Variants in NRP2 observed in about 807,000 individuals in gnomAD.
NRP2 encodes neuropilin-2.
Under a neutral mutation model 110.4 loss-of-function variants are expected in NRP2, and 52 were observed. That is an observed-to-expected ratio of 0.47 (90% CI 0.38 to 0.59). NRP2 has a LOEUF of 0.59. Among genes scored for constraint, NRP2 ranks in the 20% least tolerant of loss-of-function variants. NRP2 has a pLI of 0.00. For synonymous variants in NRP2, 508 were observed against 468.9 expected (o/e 1.08, Z -1.08); for missense variants, 1,049 against 1,203.0 (o/e 0.87, Z 1.89).
chr2:205,690,524 T>A lies in NRP2; in HGVS notation c.74-7020T>A, dbSNP rs534056367. On this transcript the variant is annotated intron_variant, in intron 1 of 16. Coordinates refer to ENST00000357785, the MANE Select transcript of NRP2 (RefSeq NM_003872.3). ...GAGGAGGTGGGCAGATCACCTGAGG[T>A]CAGGAGTTCGAGACCAGCCTGGCCA... is the stretch of plus-strand genomic sequence containing the variant. Among the ~76,000 whole-genome samples the A allele has an allele frequency of 8.2e-4, 123 of 150,362 alleles. 1 individual carries two copies. Among genetic ancestry groups the A allele is most frequent in the South Asian group, 4.4e-3 (21 of 4,746 alleles).
intron 7 of NRP2, among the ~76,000 whole-genome samples, chr2:205,731,994 C>T (rs866081163): frequency 6.6e-6 from 1 of 152,228 alleles, no homozygotes; most frequent in South Asian, 2.1e-4. Flanking sequence ...CTGGAGCCTG[C>T]ATGGACGGCG....
rs560308998 is a variant in NRP2 at position 205,764,960 on chromosome 2, G to GA, written c.2308-508dup. On this transcript the variant is annotated intron_variant, in intron 13 of 16. Transcript: ENST00000357785. ...AGTAGGTGCTCAGTAAATGGCTGGT[G>GA]AAAAAACAAATTCTTTTCCTCCTAG... Among the ~76,000 whole-genome samples, 711 of 152,246 alleles carry GA rather than the reference G, an allele frequency of 4.7e-3. 4 individuals are homozygous for GA. Among genetic ancestry groups the GA allele is most frequent in the Non-Finnish European group, 6.1e-3 (415 of 68,026 alleles).
At position 205,725,953 on chromosome 2, in the gene NRP2, G is replaced by C. The variant is rs2057119233; in HGVS notation, c.861G>C (p.Arg287=). The change falls in exon 6 of 17, where the codon CGG becomes CGC. Residue 287 remains arginine, a synonymous_variant. Transcript: ENST00000357785. The surrounding 1 kb of genome is among the most constrained non-coding windows in gnomAD (Gnocchi z 4.1). ...CNVPLGMESG[R]IANEQISASS... The stretch of plus-strand genomic sequence containing the variant: ...TTCCTCTGGGCATGGAGTCTGGCCG[G>C]ATTGCTAATGAACAGATCAGTGCCT... The C allele has an allele frequency of 6.2e-7, 1 of 1,614,172 alleles. No individual in the cohort carries two copies. Among genetic ancestry groups the C allele is most frequent in the Non-Finnish European group, 8.5e-7 (1 of 1,180,028 alleles).
intron 14 of NRP2, among the ~76,000 whole-genome samples, chr2:205,766,270 G>A (rs2057915899): frequency 6.6e-6 from 1 of 152,188 alleles, no homozygotes; most frequent in African/African-American, 2.4e-5. Flanking sequence ...TCCCATCAGA[G>A]CCATGGACAT....
intron 15 of NRP2, chr2:205,767,206 G>A (rs2057938629): frequency 3.1e-6 from 1 of 318,000 alleles, no homozygotes; most frequent in East Asian, 8.9e-5. Flanking sequence ...ATTTATTTTA[G>A]CCTGAAGATG....
At chr2:205,767,316 T>C (rs2057941317) in intron 15 of NRP2, 1 of 462,662 alleles carries the variant, frequency 2.2e-6, no homozygotes, top group Non-Finnish European at 4.3e-6. Context: ...GCAGTCACCA[T>C]ACCTCAGTGA....
intron 2 of NRP2, among the ~76,000 whole-genome samples, chr2:205,702,989 G>A (rs1255177908): frequency 6.6e-6 from 1 of 152,144 alleles, no homozygotes; most frequent in Non-Finnish European, 1.5e-5. Context: ...TTGTTCATAT[G>A]TGGTCATCTT....
intron 3 of NRP2, 34 bp downstream of exon 3, chr2:205,716,408 G>A (rs775295749): frequency 1.9e-6 from 3 of 1,610,520 alleles, no homozygotes; most frequent in Admixed American, 1.7e-5. Flanking sequence ...CCGGGAGATG[G>A]GCGTCTTAGA....
chr2:205,744,978 G>T (rs965651926), intron 9 of NRP2, among the ~76,000 whole-genome samples: 6 of 152,196 alleles, frequency 3.9e-5, no homozygotes, highest in Non-Finnish European at 7.3e-5. Flanking sequence ...TGGACGCAGG[G>T]CATCCTGAAA....
chr2:205,769,715 T>C (rs1044781515), intron 15 of NRP2, among the ~76,000 whole-genome samples: 4 of 152,228 alleles, frequency 2.6e-5, no homozygotes, highest in Admixed American at 2.0e-4. Flanking sequence ...CAATGTAGCC[T>C]GGGTGTGCAT....
chr2:205,745,406 C>G (rs191439067), intron 9 of NRP2, among the ~76,000 whole-genome samples: 122 of 152,304 alleles, frequency 8.0e-4, no homozygotes, highest in Non-Finnish European at 6.2e-4. Flanking sequence ...GCCTTCCCCC[C>G]TCTCTAGCCA....
At chr2:205,757,522 T>G (rs1432219307) in intron 12 of NRP2, among the ~76,000 whole-genome samples, 1 of 152,190 alleles carries the variant, frequency 6.6e-6, no homozygotes, top group Admixed American at 6.5e-5. Context: ...TGAGTGAATT[T>G]ACTCATAATG....
chr2:205,763,765 C>T lies in NRP2; in HGVS notation c.2136C>T (p.Ser712=). 1 of 1,614,190 alleles carries T rather than the reference C, an allele frequency of 6.2e-7. No homozygotes were observed. The highest frequency in any genetic ancestry group is 8.5e-7 in the Non-Finnish European group (1 of 1,180,022). The change falls in exon 13 of 17, where the codon AGC becomes AGT. Residue 712 remains serine (S), a synonymous_variant. Coordinates refer to ENST00000357785, the MANE Select transcript of NRP2 (RefSeq NM_003872.3). This position sits in a 1 kb window ranked among gnomAD's most constrained non-coding sequence, Gnocchi z 4.0. ...GCCCCCCTGTCCACCTGCCCCGAAG[C>T]CCGGTGTGCATGGAGTTCCAGTACC... ...LISPPVHLPR[S]PVCMEFQYQA...
chr2:205,747,321 C>T (rs2057556161), intron 10 of NRP2, among the ~76,000 whole-genome samples: 1 of 152,168 alleles, frequency 6.6e-6, no homozygotes, highest in Non-Finnish European at 1.5e-5. Context: ...GCTGCATAAC[C>T]TCAGAAAAGT....
chr2:205,758,639 G>A (rs2057772057), intron 12 of NRP2, among the ~76,000 whole-genome samples: 1 of 152,192 alleles, frequency 6.6e-6, no homozygotes, highest in Admixed American at 6.5e-5. Context: ...AACAACAGAT[G>A]TTTTGGGTCA....
At position 205,740,513 on chromosome 2, in the gene NRP2, C is replaced by T; in HGVS notation, c.1147-6C>T. The T allele has an allele frequency of 1.9e-6, 3 of 1,614,218 alleles. No individual in the cohort carries two copies. Among genetic ancestry groups the T allele is most frequent in the Non-Finnish European group, 1.7e-6 (2 of 1,180,018 alleles). On this transcript the variant is annotated splice_region_variant and splice_polypyrimidine_tract_variant and intron_variant, in intron 7 of 16. Transcript: ENST00000357785. ...CAATAACATGGTTTTGCATCTTACG[C>T]TACAGGTATTTCAAGCCAACAACGA...
At chr2:205,689,121 G>A (rs1018735919) in intron 1 of NRP2, among the ~76,000 whole-genome samples, 2 of 152,196 alleles carry the variant, frequency 1.3e-5, no homozygotes, top group South Asian at 2.1e-4. Flanking sequence ...AGAAAAGGGG[G>A]TTTTCAAACA....
At chr2:205,736,335 C>T (rs182885421) in intron 7 of NRP2, among the ~76,000 whole-genome samples, 5 of 152,158 alleles carry the variant, frequency 3.3e-5, no homozygotes, top group East Asian at 1.9e-4. Flanking sequence ...GAGCAAAACC[C>T]CATCTCAAAA....
chr2:205,765,702 G>A (rs773416783), intron 14 of NRP2, 132 bp downstream of exon 14: 7 of 815,010 alleles, frequency 8.6e-6, no homozygotes, highest in Non-Finnish European at 1.5e-5. Context: ...GTCTCTGCAA[G>A]GTAAGGTGTG....
Sources: gnomAD v4.1 joint callset for allele counts (sites outside exome capture counted in the v4.1 genomes callset) on GRCh38, gnomAD v4.1.1 for gene constraint, Gnocchi (gnomAD v3.1) non-coding constraint, MANE v1.5 for transcripts, NCBI Gene and HGNC (gene_info 2026-07-23, HGNC 2026-07-21) for gene names.